Variants in ERO1B observed in about 807,000 individuals in gnomAD.
ERO1B encodes endoplasmic reticulum oxidoreductase 1 beta.
ERO1B carries 49 observed loss-of-function variants against 75.3 expected under a neutral mutation model. The observed-to-expected ratio is 0.65, with a 90% CI of 0.52 to 0.83. ERO1B has a LOEUF of 0.83. ERO1B is among the 40% of genes least tolerant of loss of function. The probability of loss-of-function intolerance (pLI) is 0.00; values close to 1 mark genes in which losing one functional copy is unlikely to be tolerated. For missense variants in ERO1B, 512 were observed against 560.1 expected (o/e 0.91, Z 0.87); for synonymous variants, 191 against 192.9 (o/e 0.99, Z 0.08).
intron 15 of ERO1B, 129 bp from the exon 16 acceptor site, chr1:236,218,705 TCCATG>T: frequency 1.2e-6 from 1 of 808,392 alleles, no homozygotes; most frequent in Non-Finnish European, 1.6e-6. Context: ...CACTGAAGCT[TCCATG>T]TTTAAATTAG....
intron 1 of ERO1B, 98 bp downstream of exon 1, chr1:236,281,584 G>A (rs1665830766): frequency 3.3e-6 from 3 of 901,610 alleles, no homozygotes; most frequent in Non-Finnish European, 4.5e-6. Context: ...TTTCTGGCCC[G>A]GCCCTGCCCG....
intron 15 of ERO1B, among the ~76,000 whole-genome samples, chr1:236,218,891 T>C (rs147857676): frequency 6.1e-4 from 93 of 152,252 alleles, no homozygotes; most frequent in African/African-American, 2.1e-3. Context: ...CTTCAAATGA[T>C]TGCTCTTTAC....
At chr1:236,248,510 A>C (rs1664939698) in intron 5 of ERO1B, among the ~76,000 whole-genome samples, 1 of 152,244 alleles carries the variant, frequency 6.6e-6, no homozygotes, top group Non-Finnish European at 1.5e-5. Flanking sequence ...ACATCCATCA[A>C]TAAGTGAATA....
chr1:236,258,994 A>G (rs1665232257), intron 2 of ERO1B, among the ~76,000 whole-genome samples: 1 of 152,238 alleles, frequency 6.6e-6, no homozygotes, highest in Non-Finnish European at 1.5e-5. Context: ...AATATCAATT[A>G]TATATCTAAT....
intron 6 of ERO1B, among the ~76,000 whole-genome samples, chr1:236,236,646 T>C (rs1225868259): frequency 6.6e-6 from 1 of 152,214 alleles, no homozygotes; most frequent in Admixed American, 6.5e-5. Context: ...GCAGTGCTCT[T>C]TTAAGTAATA....
At chr1:236,280,871 A>G (rs1665814952) in intron 1 of ERO1B, among the ~76,000 whole-genome samples, 1 of 152,174 alleles carries the variant, frequency 6.6e-6, no homozygotes, top group Non-Finnish European at 1.5e-5. Context: ...CTGGCAATCA[A>G]TTCAAATTCT....
Position 236,236,296 on chromosome 1 carries a change from T to TA in ERO1B, c.607dup (p.Tyr203LeufsTer2). On this transcript the variant is annotated frameshift_variant, in exon 7 of 16. Transcript: ENST00000354619. LOFTEE classifies it high-confidence loss of function. ...CAGTTACTTGAAACAGTTCTCTTCA[T>TA]AGATGCTGTTCCACACTCTCCATGC... The TA allele has an allele frequency of 6.2e-7, 1 of 1,611,946 alleles. No homozygotes were observed. Among genetic ancestry groups the TA allele is most frequent in the Non-Finnish European group, 8.5e-7 (1 of 1,178,642 alleles).
chr1:236,227,802 A>G (rs1378373475), intron 10 of ERO1B, among the ~76,000 whole-genome samples: 1 of 152,188 alleles, frequency 6.6e-6, no homozygotes, highest in Non-Finnish European at 1.5e-5. Context: ...GCCTCTAACT[A>G]GAAAAAATAA....
rs1036634477 is a variant in ERO1B, at chr1:236,253,555, C to T, written c.223-50G>A. ...AAACTCATATTATAGTTATGGGGTG[C>T]TCTCAAAGTGTCATTGTGTTGGGCA... On this transcript the variant is annotated intron_variant, in intron 2 of 15. Transcript: ENST00000354619. The T allele has an allele frequency of 7.3e-6, 9 of 1,228,856 alleles. No homozygotes were observed. The African/African-American group carries it at 1.3e-4, about 18-fold the overall frequency. The allele number at this position is 1,228,856 out of a possible 1,614,324, so 76.1% of individuals were successfully genotyped here.
chr1:236,257,199 C>A (rs1165588804), intron 2 of ERO1B, among the ~76,000 whole-genome samples: 2 of 152,160 alleles, frequency 1.3e-5, no homozygotes, highest in Non-Finnish European at 2.9e-5. Context: ...TTTTGCGAAA[C>A]TAGAATACTG....
At chr1:236,253,594 G>T in intron 2 of ERO1B, 89 bp from the exon 3 acceptor site, 1 of 812,668 alleles carries the variant, frequency 1.2e-6, no homozygotes, top group Non-Finnish European at 2.1e-6. Flanking sequence ...GTGACATGGT[G>T]GTGAATAAGA....
intron 1 of ERO1B, among the ~76,000 whole-genome samples, chr1:236,279,511 A>AAAAAAAAAAAC (rs1165192041): frequency 6.9e-6 from 1 of 145,942 alleles, no homozygotes; most frequent in Non-Finnish European, 1.5e-5. Context: ...TCTCAAAAAA[A>AAAAAAAAAAAC]AAAAAAAAAC....
chr1:236,259,057 CTA>C (rs1665233136), intron 2 of ERO1B, among the ~76,000 whole-genome samples: 1 of 151,958 alleles, frequency 6.6e-6, no homozygotes, highest in African/African-American at 2.4e-5. Context: ...CTATAATACA[CTA>C]TACAAACTAT....
At chr1:236,245,938 A>G (rs1664876047) in intron 5 of ERO1B, among the ~76,000 whole-genome samples, 1 of 152,028 alleles carries the variant, frequency 6.6e-6, no homozygotes, top group Non-Finnish European at 1.5e-5. Context: ...ACACATGTCA[A>G]AACATCAAAC....
intron 14 of ERO1B, among the ~76,000 whole-genome samples, chr1:236,221,454 A>G (rs577713172): frequency 3.5e-4 from 53 of 152,338 alleles, no homozygotes; most frequent in African/African-American, 1.2e-3. Context: ...GAGATAAAAT[A>G]TTCAACAATC....
chr1:236,257,493 T>C (rs1191151989), intron 2 of ERO1B, among the ~76,000 whole-genome samples: 1 of 143,510 alleles, frequency 7.0e-6, no homozygotes, highest in Non-Finnish European at 1.5e-5. Flanking sequence ...TCCTGAAGCC[T>C]AAACAGAAGG....
Position 236,281,940 on chromosome 1 carries a change from A to C in ERO1B, c.-157T>G, listed in dbSNP as rs1022809270. 3.0e-5 allele frequency: 13 copies of C among 426,922 alleles called. No individual in the cohort carries two copies. The highest frequency in any genetic ancestry group is 3.2e-5 in the Non-Finnish European group (8 of 252,674). The allele number at this position is 426,922 out of a possible 1,614,324, so 26.4% of individuals were successfully genotyped here. A position where few individuals can be genotyped will look rare whatever the true frequency, so the allele number is the denominator to read the frequency against. On this transcript the variant is annotated 5_prime_UTR_variant, in exon 1 of 16. Transcript: ENST00000354619. ...CCGGAGGCAGGCGACTCTTTCCCCA[A>C]CACCCGGCAGCTGCGAGTGAGGCAG...
chr1:236,225,830 A>C (rs2463184), intron 12 of ERO1B, among the ~76,000 whole-genome samples: 1 of 151,970 alleles, frequency 6.6e-6, no homozygotes, highest in African/African-American at 2.4e-5. Flanking sequence ...AGTTACTTAG[A>C]AGGCTGAGGC....
rs1056588909 is a variant in ERO1B, at chr1:236,223,637, T to C, written c.1122+1433A>G. 5.9e-5 allele frequency among the ~76,000 whole-genome samples: 9 copies of C among 152,334 alleles called. No homozygotes were observed. The South Asian group carries it at 1.2e-3, about 21-fold the overall frequency. On this transcript the variant is annotated intron_variant, in intron 13 of 15. Coordinates refer to ENST00000354619, the MANE Select transcript of ERO1B (RefSeq NM_019891.4). ...ACAAACAGCAAACAAAATCCCAGCA[T>C]TGTGTAGTTAAAAGCTTGCTGTGAG... is the stretch of plus-strand genomic sequence containing the variant.
Sources: allele counts gnomAD v4.1 joint callset (sites outside exome capture counted in the v4.1 genomes callset), GRCh38; gene constraint gnomAD v4.1.1; transcripts MANE v1.5; gene names NCBI Gene and HGNC (gene_info 2026-07-23, HGNC 2026-07-21).